The following RYR3 variants were observed in gnomAD, a reference collection of about 807,000 sequenced individuals.
RYR3 encodes ryanodine receptor 3.
In RYR3, 207 loss-of-function variants were observed where a neutral mutation model predicts 584.3. That is an observed-to-expected ratio of 0.35 (90% CI 0.32 to 0.40). RYR3 has a LOEUF of 0.40. Ranked by LOEUF, RYR3 falls within the 10% of genes least tolerant of loss-of-function variation. RYR3 has a pLI of 1.00. For synonymous variants in RYR3, 2,416 were observed against 2,248.5 expected (o/e 1.07, Z -2.11); for missense variants, 5,616 against 6,089.2 (o/e 0.92, Z 2.59).
intron 1 of RYR3, among the ~76,000 whole-genome samples, chr15:33,377,812 G>GA (rs894653208): frequency 5.3e-5 from 8 of 152,028 alleles, no homozygotes; most frequent in African/African-American, 1.9e-4. Context: ...CCCCCCTTTG[G>GA]ATATAGGGTC....
In RYR3 at chr15:33,562,937, T is replaced by C. The variant is rs2304380; in HGVS notation, c.1073T>C (p.Ile358Thr). The C allele has an allele frequency of 2.4e-3, 3,892 of 1,613,838 alleles. 155 individuals are homozygous for C. In the East Asian group the frequency reaches 0.073, roughly 30 times the overall value. Residue 358 changes from isoleucine to threonine, a missense_variant, in exon 11 of 104, where the codon ATA becomes ACA. Ile to Thr is a moderately conservative substitution (Grantham distance 89). Around this residue, in one of 9 missense-constraint regions of RYR3, gnomAD observed 1,284 missense variants for 1,344.6 expected, o/e 0.95. Transcript: ENST00000634891. ...GATTCTGTCTGCTTTGTGCAGCATA[T>C]AGCCAGTGGTCTGTGGGTGACCTAC... is the stretch of plus-strand genomic sequence containing the variant. ...YGDSVCFVQH[I>T]ASGLWVTYKA...
At chr15:33,669,535 G>A in intron 37 of RYR3, 79 bp downstream of exon 37, 1 of 1,226,458 alleles carries the variant, frequency 8.2e-7, no homozygotes, top group Non-Finnish European at 1.2e-6. Context: ...AAAGCTAGTG[G>A]GAGGTTGGGA....
chr15:33,645,031 TA>T lies in RYR3; in HGVS notation c.3765+521del, dbSNP rs1056859967. Among the ~76,000 whole-genome samples, 8 of 151,316 alleles carry T rather than the reference TA, an allele frequency of 5.3e-5. No individual in the cohort carries two copies. In the East Asian group the frequency reaches 5.8e-4, roughly 11 times the overall value. The stretch of plus-strand genomic sequence containing the variant: ...CGTCTCTTGAAACAATTTTTTTTAT[TA>T]AAAAAAAATTTAAAAGTTCCATACC... On this transcript the variant is annotated intron_variant, in intron 28 of 103. Coordinates refer to ENST00000634891, the MANE Select transcript of RYR3 (RefSeq NM_001036.6).
At chr15:33,822,810 A>T in intron 80 of RYR3, among the ~76,000 whole-genome samples, 186 bp from the exon 81 acceptor site, 2 of 152,346 alleles carry the variant, frequency 1.3e-5, no homozygotes, top group Middle Eastern at 6.8e-3. Flanking sequence ...ATGAATGTCA[A>T]TTCTGCCCTA....
intron 10 of RYR3, among the ~76,000 whole-genome samples, chr15:33,562,528 G>C (rs2057464218): frequency 6.6e-6 from 1 of 151,856 alleles, no homozygotes; most frequent in Non-Finnish European, 1.5e-5. Flanking sequence ...TCAGGATGAG[G>C]AAAGTAGAAA....
chr15:33,566,388 A>G (rs1361355553), intron 11 of RYR3, among the ~76,000 whole-genome samples: 1 of 152,218 alleles, frequency 6.6e-6, no homozygotes, highest in African/African-American at 2.4e-5. Context: ...ATCATGAGGT[A>G]TGTTATCGCC....
At chr15:33,827,496 C>G (rs530664304) in intron 85 of RYR3, among the ~76,000 whole-genome samples, 3 of 152,342 alleles carry the variant, frequency 2.0e-5, no homozygotes, top group African/African-American at 7.2e-5. Flanking sequence ...ACCAAATCGT[C>G]TGTTATGAAA....
intron 1 of RYR3, among the ~76,000 whole-genome samples, chr15:33,448,887 G>T (rs189769745): frequency 6.6e-4 from 100 of 152,242 alleles, no homozygotes; most frequent in African/African-American, 1.6e-3. Context: ...GCTGCCTGGA[G>T]TGTGGGGGAG....
intron 43 of RYR3, among the ~76,000 whole-genome samples, chr15:33,719,251 C>A (rs1000075910): frequency 6.6e-6 from 1 of 152,200 alleles, no homozygotes; most frequent in Non-Finnish European, 1.5e-5. Flanking sequence ...GGAGCAGACC[C>A]AATTAGTTCA....
intron 2 of RYR3, among the ~76,000 whole-genome samples, chr15:33,497,598 T>G (rs1009863068): frequency 6.6e-6 from 1 of 152,176 alleles, no homozygotes; most frequent in Non-Finnish European, 1.5e-5. Flanking sequence ...AATTGGCACA[T>G]AAGAATTGTA....
At chr15:33,684,851 C>T (rs899804149) in intron 38 of RYR3, among the ~76,000 whole-genome samples, 1 of 152,176 alleles carries the variant, frequency 6.6e-6, no homozygotes, top group Admixed American at 6.5e-5. Context: ...AACTAAGCTT[C>T]ATAACTGAAG....
intron 39 of RYR3, 29 bp downstream of exon 39, chr15:33,696,520 T>A (rs766941075): frequency 6.2e-7 from 1 of 1,607,492 alleles, no homozygotes; most frequent in Middle Eastern, 1.7e-4. Context: ...CGTGCTGTTC[T>A]CTCTAGGAGC....
chr15:33,645,815 A>C (rs2062069995), intron 28 of RYR3, among the ~76,000 whole-genome samples: 1 of 149,782 alleles, frequency 6.7e-6, no homozygotes, highest in Admixed American at 6.6e-5. Flanking sequence ...CTGATTTCCT[A>C]GTATTAGGAG....
rs60103344 is a variant in RYR3, at chr15:33,362,628, A to G, written c.51+51532A>G. On this transcript the variant is annotated intron_variant, in intron 1 of 103. Coordinates refer to ENST00000634891, the MANE Select transcript of RYR3 (RefSeq NM_001036.6). The stretch of plus-strand genomic sequence containing the variant: ...AAGGTTGGCCTCAGCCTTCCTTGTC[A>G]GTCTCAGCTTTTCCTTTCACCTATA... Among the ~76,000 whole-genome samples the G allele has an allele frequency of 6.8e-3, 1,034 of 152,310 alleles. 9 individuals are homozygous for G. The highest frequency in any genetic ancestry group is 0.024 in the African/African-American group (999 of 41,564).
At chr15:33,696,087 A>G (rs927376998) in intron 38 of RYR3, 131 bp from the exon 39 acceptor site, 12 of 788,214 alleles carry the variant, frequency 1.5e-5, no homozygotes, top group Non-Finnish European at 2.2e-5. Flanking sequence ...GAGCCACTGC[A>G]CATTGCCTAT....
chr15:33,732,412 C>T (rs529481627), intron 48 of RYR3, among the ~76,000 whole-genome samples: 30 of 149,854 alleles, frequency 2.0e-4, no homozygotes, highest in Middle Eastern at 3.5e-3. Context: ...AGCGACCTAC[C>T]TCTAGGCCTC....
intron 3 of RYR3, among the ~76,000 whole-genome samples, chr15:33,525,505 G>A (rs1242364107): frequency 6.6e-6 from 1 of 152,192 alleles, no homozygotes; most frequent in African/African-American, 2.4e-5. Context: ...GGAATAAGCA[G>A]TTACAAATAT....
intron 72 of RYR3, among the ~76,000 whole-genome samples, chr15:33,812,306 TCTA>T (rs1167332411): frequency 1.3e-5 from 2 of 151,848 alleles, no homozygotes; most frequent in African/African-American, 4.8e-5. Context: ...CATCAGGAAA[TCTA>T]CTAGTAGAGA....
intron 3 of RYR3, among the ~76,000 whole-genome samples, chr15:33,524,355 G>A (rs534840343): frequency 1.2e-3 from 183 of 152,200 alleles, no homozygotes; most frequent in African/African-American, 4.1e-3. Flanking sequence ...CTCTGTAATT[G>A]CCTTCTTTAA....
Sources: allele counts gnomAD v4.1 joint callset (sites outside exome capture counted in the v4.1 genomes callset), GRCh38; gene constraint gnomAD v4.1.1; regional missense constraint gnomAD v4.1.1; transcripts MANE v1.5; gene names NCBI Gene and HGNC (gene_info 2026-07-23, HGNC 2026-07-21).